Variants in YAP1 observed in about 807,000 individuals in gnomAD.
The protein encoded by YAP1 is transcriptional coactivator YAP1.
In YAP1, 5 loss-of-function variants were observed where a neutral mutation model predicts 56.9. The ratio of observed to expected loss-of-function variants is 0.09; its 90% CI spans 0.05 to 0.18. YAP1 has a LOEUF of 0.18. Ranked by LOEUF, YAP1 falls within the 10% of genes least tolerant of loss-of-function variation. The probability of loss-of-function intolerance (pLI) is 1.00; values close to 1 mark genes in which losing one functional copy is unlikely to be tolerated. For missense variants in YAP1, 539 were observed against 651.8 expected, an observed-to-expected ratio of 0.83 and a Z score of 1.88; for synonymous variants, 265 against 248.1, an observed-to-expected ratio of 1.07 and a Z score of -0.64.
intron 4 of YAP1, among the ~76,000 whole-genome samples, chr11:102,199,437 A>G (rs1253821085): frequency 2.0e-5 from 3 of 152,208 alleles, no homozygotes; most frequent in Admixed American, 2.0e-4. Flanking sequence ...TTTCGTATCC[A>G]TTGCCCTATA....
intron 2 of YAP1, among the ~76,000 whole-genome samples, chr11:102,128,422 A>C (rs545266828): frequency 2.6e-5 from 4 of 152,114 alleles, no homozygotes; most frequent in Admixed American, 6.6e-5. Flanking sequence ...CTCTCTTGCC[A>C]CTGCCATGTA....
chr11:102,188,534 G>T lies in YAP1; in HGVS notation c.802+2403G>T, dbSNP rs139749027. ...CAGTCAGCGGCAGACCACATATACA[G>T]TCGTGGTCCTATATGATTCTAATAC... On this transcript the variant is annotated intron_variant, in intron 4 of 8. Coordinates refer to ENST00000282441, the MANE Select transcript of YAP1 (RefSeq NM_001130145.3). Among the ~76,000 whole-genome samples, 841 of 152,316 alleles carry T rather than the reference G, an allele frequency of 5.5e-3. 7 individuals carry two copies. Among genetic ancestry groups the T allele is most frequent in the African/African-American group, 0.019 (805 of 41,570 alleles).
At chr11:102,162,268 T>C (rs1946334358) in intron 2 of YAP1, among the ~76,000 whole-genome samples, 188 bp from the exon 3 acceptor site, 1 of 151,946 alleles carries the variant, frequency 6.6e-6, no homozygotes, top group African/African-American at 2.4e-5. Context: ...GATCTAAGAG[T>C]TGAAAGTTGA....
rs1950460643 is a variant in YAP1, at chr11:102,232,313, A to T, written c.*2373A>T. On this transcript the variant is annotated 3_prime_UTR_variant, in exon 9 of 9. Coordinates refer to ENST00000282441, the MANE Select transcript of YAP1 (RefSeq NM_001130145.3). ...GTTGTGAAGATTTAGGGGGACCTTGATAGAGAACTTTATAAACTTCTTTCT... is the reference window on the plus strand; with the variant it reads ...GTTGTGAAGATTTAGGGGGACCTTGTTAGAGAACTTTATAAACTTCTTTCT... The T allele has an allele frequency of 6.6e-6, 1 of 151,654 alleles. No individual in the cohort carries two copies. Among genetic ancestry groups the T allele is most frequent in the South Asian group, 2.1e-4 (1 of 4,810 alleles). 9.4% of individuals were successfully genotyped at this position (151,654 alleles called of 1,614,324 possible). A position where few individuals can be genotyped will look rare whatever the true frequency, so the allele number is the denominator to read the frequency against.
chr11:102,124,985 G>A (rs1000297304), intron 2 of YAP1, among the ~76,000 whole-genome samples: 1 of 151,768 alleles, frequency 6.6e-6, no homozygotes. Context: ...TGATCTGCCC[G>A]TGTCCACCTT....
intron 3 of YAP1, among the ~76,000 whole-genome samples, chr11:102,163,392 T>C (rs916200614): frequency 6.6e-6 from 1 of 152,120 alleles, no homozygotes; most frequent in African/African-American, 2.4e-5. Context: ...CTTTGTTAGG[T>C]GGGTTCAAGG....
At chr11:102,127,963 A>C (rs1944136191) in intron 2 of YAP1, among the ~76,000 whole-genome samples, 1 of 152,064 alleles carries the variant, frequency 6.6e-6, no homozygotes, top group Non-Finnish European at 1.5e-5. Context: ...GTTTTGGCCA[A>C]TTTCTTCCAT....
chr11:102,166,799 T>C (rs1946639522), intron 3 of YAP1, among the ~76,000 whole-genome samples: 1 of 152,198 alleles, frequency 6.6e-6, no homozygotes, highest in Non-Finnish European at 1.5e-5. Flanking sequence ...GAAAAAGAAT[T>C]CCCATCATTC....
At chr11:102,196,602 T>G (rs1342123369) in intron 4 of YAP1, among the ~76,000 whole-genome samples, 1 of 151,466 alleles carries the variant, frequency 6.6e-6, no homozygotes, top group African/African-American at 2.4e-5. Context: ...TACAGGGCTT[T>G]TTTGTTTGTT....
At position 102,215,410 on chromosome 11, in the gene YAP1, A is replaced by G. The variant is rs1001657774; in HGVS notation, c.1032+5846A>G. 3.9e-4 allele frequency among the ~76,000 whole-genome samples: 60 copies of G among 152,234 alleles called. 1 individual carries two copies. The highest frequency in any genetic ancestry group is 1.0e-4 in the Non-Finnish European group (7 of 68,036). On this transcript the variant is annotated intron_variant, in intron 6 of 8. Coordinates refer to ENST00000282441, the MANE Select transcript of YAP1 (RefSeq NM_001130145.3). ...ACTTTTATATAATGCAGTATTTACTAAAGACAGAATTGCTTTAAGAAAGTA... is the reference window on the plus strand; with the variant it reads ...ACTTTTATATAATGCAGTATTTACTGAAGACAGAATTGCTTTAAGAAAGTA...
intron 4 of YAP1, among the ~76,000 whole-genome samples, chr11:102,193,492 C>A (rs937353958): frequency 8.5e-5 from 13 of 152,080 alleles, no homozygotes; most frequent in African/African-American, 3.1e-4. Flanking sequence ...GGGAAAATAT[C>A]CAGTAAGGTA....
At chr11:102,140,831 A>G (rs1944978040) in intron 2 of YAP1, among the ~76,000 whole-genome samples, 1 of 151,884 alleles carries the variant, frequency 6.6e-6, no homozygotes, top group Non-Finnish European at 1.5e-5. Flanking sequence ...CAATAGAGTG[A>G]GATTCCATTT....
At chr11:102,170,516 A>G (rs1946843050) in intron 3 of YAP1, among the ~76,000 whole-genome samples, 1 of 152,158 alleles carries the variant, frequency 6.6e-6, no homozygotes, top group Non-Finnish European at 1.5e-5. Context: ...TTTAGAGATT[A>G]TCTTCTAAAA....
intron 2 of YAP1, among the ~76,000 whole-genome samples, chr11:102,154,240 G>C (rs9787758): frequency 0.41 from 61,883 of 151,992 alleles, 14,852 homozygotes; most frequent in Middle Eastern, 0.57. Flanking sequence ...CTGAACAAAT[G>C]TTCTGATTCT....
At chr11:102,202,578 T>C (rs1025181137) in intron 4 of YAP1, among the ~76,000 whole-genome samples, 1 of 151,810 alleles carries the variant, frequency 6.6e-6, no homozygotes, top group Non-Finnish European at 1.5e-5. Flanking sequence ...GAATCAAACA[T>C]TTATTCTGTA....
chr11:102,145,230 C>T (rs1945263805), intron 2 of YAP1, among the ~76,000 whole-genome samples: 1 of 152,160 alleles, frequency 6.6e-6, no homozygotes, highest in African/African-American at 2.4e-5. Context: ...TAGAAGTGCT[C>T]TGCCTAATGA....
intron 3 of YAP1, among the ~76,000 whole-genome samples, chr11:102,167,330 A>G (rs941757554): frequency 6.6e-6 from 1 of 152,256 alleles, no homozygotes; most frequent in African/African-American, 2.4e-5. Context: ...AAATGGAATA[A>G]TGTATTAAGA....
intron 4 of YAP1, among the ~76,000 whole-genome samples, chr11:102,192,833 TA>T (rs1293973361): frequency 6.6e-6 from 1 of 152,254 alleles, no homozygotes; most frequent in African/African-American, 2.4e-5. Flanking sequence ...AGTGTGGAAT[TA>T]CTTTTGAAGA....
chr11:102,150,273 T>A (rs906989273), intron 2 of YAP1, among the ~76,000 whole-genome samples: 1 of 152,058 alleles, frequency 6.6e-6, no homozygotes, highest in Admixed American at 6.6e-5. Flanking sequence ...TGTGAGCCAC[T>A]GCGCCCAGCC....
Sources: allele counts gnomAD v4.1 joint callset (sites outside exome capture counted in the v4.1 genomes callset), GRCh38; gene constraint gnomAD v4.1.1; transcripts MANE v1.5; gene names NCBI Gene and HGNC (gene_info 2026-07-23, HGNC 2026-07-21).